ARFGEF1: variants seen among roughly 807,000 people sequenced by gnomAD.
The protein encoded by ARFGEF1 is brefeldin A-inhibited guanine nucleotide-exchange protein 1.
ARFGEF1 carries 42 observed loss-of-function variants against 231.0 expected under a neutral mutation model. The observed-to-expected ratio is 0.18, with a 90% CI of 0.14 to 0.24. The LOEUF is 0.24. Among genes scored for constraint, ARFGEF1 ranks in the 10% least tolerant of loss-of-function variants. ARFGEF1 has a pLI of 1.00. For missense variants in ARFGEF1, 1,345 were observed against 2,192.0 expected (o/e 0.61, Z 7.72); for synonymous variants, 710 against 732.3 (o/e 0.97, Z 0.49).
At position 67,199,047 on chromosome 8, in the gene ARFGEF1, A is replaced by T; in HGVS notation, c.5437T>A (p.Phe1813Ile). Residue 1813 changes from phenylalanine (F) to isoleucine (I), a missense_variant, in exon 39 of 39, where the codon TTT becomes ATT. Physicochemically the swap from Phe to Ile is conservative, Grantham distance 21. This residue lies in a region of ARFGEF1 where 161 missense variants were observed against 284.9 expected (regional missense o/e 0.57). Transcript: ENST00000262215. Reference protein sequence around the residue: ...YYPLLCEIMQFDLIPELRAVL... With the variant: ...YYPLLCEIMQIDLIPELRAVL... ...GCACGAAGTTCAGGAATCAAGTCAA[A>T]TTGCATAATTTCACATAAGAGAGGG... 1 of 1,610,760 alleles carries T rather than the reference A, an allele frequency of 6.2e-7. No homozygotes were observed. The highest frequency in any genetic ancestry group is 8.5e-7 in the Non-Finnish European group (1 of 1,179,256).
intron 28 of ARFGEF1, 60 bp downstream of exon 28, chr8:67,225,963 T>C: frequency 6.8e-7 from 1 of 1,464,666 alleles, no homozygotes; most frequent in Non-Finnish European, 9.1e-7. Context: ...CCAAACAAAC[T>C]TAAGATTTCA....
intron 5 of ARFGEF1, among the ~76,000 whole-genome samples, chr8:67,187,019 T>TA (rs1834861376): frequency 4.0e-5 from 6 of 150,170 alleles, no homozygotes; most frequent in Non-Finnish European, 5.9e-5. Flanking sequence ...CTATCTAATC[T>TA]ATCTATCTAG....
chr8:67,179,828 TA>T, intron 5 of ARFGEF1: 1 of 1,446,864 alleles, frequency 6.9e-7, no homozygotes, highest in Non-Finnish European at 9.7e-7. Context: ...TACACAAAAC[TA>T]ATAAAAATAG....
intron 22 of ARFGEF1, among the ~76,000 whole-genome samples, chr8:67,236,601 T>G (rs996491726): frequency 2.6e-5 from 4 of 151,978 alleles, no homozygotes; most frequent in African/African-American, 9.7e-5. Context: ...GGGAGGGCTC[T>G]GCCCAACAGG....
At chr8:67,321,249 G>C (rs1449480383) in intron 1 of ARFGEF1, among the ~76,000 whole-genome samples, 4 of 152,158 alleles carry the variant, frequency 2.6e-5, no homozygotes, top group African/African-American at 7.2e-5. Flanking sequence ...AAAATTCATG[G>C]AATTGTACAG....
chr8:67,225,711 C>T (rs1350990602), intron 28 of ARFGEF1, among the ~76,000 whole-genome samples: 1 of 152,064 alleles, frequency 6.6e-6, no homozygotes, highest in Non-Finnish European at 1.5e-5. Flanking sequence ...AAACTATGGG[C>T]ACATTTTAAA....
At chr8:67,209,522 T>C (rs1838647150) in intron 34 of ARFGEF1, among the ~76,000 whole-genome samples, 1 of 152,210 alleles carries the variant, frequency 6.6e-6, no homozygotes, top group Non-Finnish European at 1.5e-5. Flanking sequence ...TGGCTGTGAA[T>C]GTACTAAATG....
At chr8:67,317,652 T>TC (rs374147913) in intron 1 of ARFGEF1, among the ~76,000 whole-genome samples, 125 of 149,528 alleles carry the variant, frequency 8.4e-4, no homozygotes, top group Middle Eastern at 7.2e-3. Context: ...GGCTTACACC[T>TC]GTAATCCCAG....
chr8:67,311,563 T>TG lies in ARFGEF1; in HGVS notation c.125-9098dup, dbSNP rs1170997203. On this transcript the variant is annotated intron_variant, in intron 1 of 38. Transcript: ENST00000262215. ...CCAGCCGCCCAGTCTGGGAGGGAGATGGGGGGGTCAGCCCCCCGCCTGGCC... is the reference window on the plus strand; with the variant it reads ...CCAGCCGCCCAGTCTGGGAGGGAGATGGGGGGGGTCAGCCCCCCGCCTGGCC... Among the ~76,000 whole-genome samples the TG allele has an allele frequency of 2.3e-4, 24 of 103,466 alleles. 1 individual carries two copies. The highest frequency in any genetic ancestry group is 7.9e-4 in the Admixed American group (8 of 10,122). The allele number at this position is 103,466 out of a possible 152,430, so 67.9% of individuals were successfully genotyped here. A position where few individuals can be genotyped will look rare whatever the true frequency, so the allele number is the denominator to read the frequency against.
chr8:67,194,787 G>A (rs539481734), downstream of ARFGEF1, among the ~76,000 whole-genome samples: 11 of 151,940 alleles, frequency 7.2e-5, no homozygotes, highest in South Asian at 2.1e-4. Flanking sequence ...TAGAAGTTGC[G>A]TACAATCAAT....
Position 67,302,467 on chromosome 8 carries a change from C to A in ARFGEF1, c.125-1G>T. 1 of 1,562,470 alleles carries A rather than the reference C, an allele frequency of 6.4e-7. No individual in the cohort carries two copies. The highest frequency in any genetic ancestry group is 8.6e-7 in the Non-Finnish European group (1 of 1,159,184). ...TTTTCAGTTTCCGCTTTTATTTCCT[C>A]TGAGGGGAAAAAAAAAGAAGCATAC... On this transcript the variant is annotated splice_acceptor_variant, in intron 1 of 38. Coordinates refer to ENST00000262215, the MANE Select transcript of ARFGEF1 (RefSeq NM_006421.5). LOFTEE classifies it high-confidence loss of function.
intron 6 of ARFGEF1, among the ~76,000 whole-genome samples, chr8:67,289,718 G>A (rs751843952): frequency 1.3e-5 from 2 of 152,032 alleles, no homozygotes; most frequent in Admixed American, 6.6e-5. Context: ...AGATAAATAT[G>A]CATGTAAATG....
At chr8:67,321,745 C>CCA in intron 1 of ARFGEF1, among the ~76,000 whole-genome samples, 1 of 152,314 alleles carries the variant, frequency 6.6e-6, no homozygotes, top group Non-Finnish European at 1.5e-5. Context: ...CAGGCATGAG[C>CCA]CACCACACCC....
At chr8:67,298,157 C>T (rs1423697999) in intron 4 of ARFGEF1, among the ~76,000 whole-genome samples, 1 of 151,520 alleles carries the variant, frequency 6.6e-6, no homozygotes, top group Non-Finnish European at 1.5e-5. Flanking sequence ...GTAAACACAA[C>T]TATAAAACTG....
chr8:67,179,898 A>G, intron 5 of ARFGEF1: 1 of 1,588,630 alleles, frequency 6.3e-7, no homozygotes, highest in Non-Finnish European at 8.6e-7. Context: ...TGAAAAACTC[A>G]TTATTGGAAT....
At chr8:67,250,386 T>C (rs574218263) in intron 19 of ARFGEF1, among the ~76,000 whole-genome samples, 4 of 152,326 alleles carry the variant, frequency 2.6e-5, no homozygotes, top group African/African-American at 4.8e-5. Flanking sequence ...TTCTTAATTC[T>C]AGCTTGGAGG....
At chr8:67,276,137 T>G (rs1465221642) in intron 8 of ARFGEF1, 28 bp from the exon 9 acceptor site, 1 of 1,610,436 alleles carries the variant, frequency 6.2e-7, no homozygotes, top group Admixed American at 1.7e-5. Flanking sequence ...CCATGAAAAT[T>G]TTAGAGATAT....
At chr8:67,236,363 A>T (rs374852344) in intron 22 of ARFGEF1, among the ~76,000 whole-genome samples, 55 of 37,636 alleles carry the variant, frequency 1.5e-3, no homozygotes, top group Non-Finnish European at 2.0e-3. Context: ...AAAAAAAAAA[A>T]AAATATATAT....
chr8:67,212,060 A>G (rs1036414342), intron 33 of ARFGEF1, among the ~76,000 whole-genome samples: 1 of 152,126 alleles, frequency 6.6e-6, no homozygotes, highest in Admixed American at 6.5e-5. Context: ...AGACCTACAC[A>G]AGAATTAGGC....
Sources: gnomAD v4.1 joint callset for allele counts (sites outside exome capture counted in the v4.1 genomes callset) on GRCh38, gnomAD v4.1.1 for gene constraint, gnomAD v4.1.1 regional missense constraint, MANE v1.5 for transcripts, NCBI Gene and HGNC (gene_info 2026-07-23, HGNC 2026-07-21) for gene names.